LRRC4C: variants seen among roughly 807,000 people sequenced by gnomAD.
LRRC4C encodes the protein leucine rich repeat containing 4C, also known as leucine-rich repeat-containing protein 4C.
LRRC4C carries 5 observed loss-of-function variants against 33.6 expected under a neutral mutation model. The ratio of observed to expected loss-of-function variants is 0.15; its 90% CI spans 0.08 to 0.31. LRRC4C has a LOEUF of 0.31. LRRC4C is among the 10% of genes least tolerant of loss of function. The probability of loss-of-function intolerance (pLI) is 1.00; values close to 1 mark genes in which losing one functional copy is unlikely to be tolerated. For missense variants in LRRC4C, 560 were observed against 796.7 expected, an observed-to-expected ratio of 0.70 and a Z score of 3.58; for synonymous variants, 329 against 302.0, an observed-to-expected ratio of 1.09 and a Z score of -0.93.
At chr11:40,962,743 C>A (rs957978829) in intron 1 of LRRC4C, among the ~76,000 whole-genome samples, 2 of 151,588 alleles carry the variant, frequency 1.3e-5, no homozygotes, top group African/African-American at 4.8e-5. Context: ...TCTCATCTAT[C>A]CCAAAAAAGA....
Position 40,775,984 on chromosome 11 carries a change from G to T in LRRC4C, c.-406-127706C>A, listed in dbSNP as rs559039306. The stretch of plus-strand genomic sequence containing the variant: ...TTATTGTGGATTTTTAACAATGAAG[G>T]GATTTTGGATTTTATCAAAAGGATT... On this transcript the variant is annotated intron_variant, in intron 2 of 6. Coordinates refer to ENST00000528697, the MANE Select transcript of LRRC4C (RefSeq NM_001258419.2). Among the ~76,000 whole-genome samples, 34 of 146,380 alleles carry T rather than the reference G, an allele frequency of 2.3e-4. 1 individual carries two copies. Among genetic ancestry groups the T allele is most frequent in the South Asian group, 4.2e-4 (2 of 4,806 alleles).
intron 3 of LRRC4C, among the ~76,000 whole-genome samples, chr11:40,629,553 T>G (rs7115302): frequency 0.038 from 5,723 of 152,254 alleles, 347 homozygotes; most frequent in African/African-American, 0.13. Context: ...AACATGTGCT[T>G]CAGAAAATGC....
At chr11:40,479,061 G>A (rs1953403296) in intron 3 of LRRC4C, among the ~76,000 whole-genome samples, 1 of 152,050 alleles carries the variant, frequency 6.6e-6, no homozygotes, top group African/African-American at 2.4e-5. Context: ...TTATTAGTGA[G>A]AGAATGGGGC....
intron 2 of LRRC4C, among the ~76,000 whole-genome samples, chr11:40,810,959 T>C (rs1182013975): frequency 1.3e-5 from 2 of 152,176 alleles, no homozygotes. Flanking sequence ...TCACTTAGAA[T>C]AAAATTCAAA....
intron 1 of LRRC4C, among the ~76,000 whole-genome samples, chr11:41,256,543 C>T (rs1948806765): frequency 6.6e-6 from 1 of 151,800 alleles, no homozygotes; most frequent in Non-Finnish European, 1.5e-5. Flanking sequence ...TACAGCAAAC[C>T]CAGAGATTAA....
chr11:41,007,143 CAA>C (rs1279177357), intron 1 of LRRC4C, among the ~76,000 whole-genome samples: 2 of 151,474 alleles, frequency 1.3e-5, no homozygotes, highest in African/African-American at 4.9e-5. Context: ...CCAAAAAATG[CAA>C]AAGTTCAAAA....
chr11:41,158,661 C>A (rs975202839), intron 1 of LRRC4C, among the ~76,000 whole-genome samples: 1 of 152,080 alleles, frequency 6.6e-6, no homozygotes, highest in Non-Finnish European at 1.5e-5. Context: ...ATCACTCATG[C>A]CTTTCTCCTA....
intron 1 of LRRC4C, among the ~76,000 whole-genome samples, chr11:41,160,087 T>A (rs562191386): frequency 6.6e-6 from 1 of 152,056 alleles, no homozygotes; most frequent in East Asian, 1.9e-4. Flanking sequence ...AGTGGTTACA[T>A]CCAGGTAGAG....
At chr11:40,170,387 T>G (rs1859945325) in intron 5 of LRRC4C, among the ~76,000 whole-genome samples, 1 of 152,192 alleles carries the variant, frequency 6.6e-6, no homozygotes, top group Admixed American at 6.5e-5. Flanking sequence ...TGAAAACATC[T>G]GCAGTGCCTA....
At chr11:41,315,567 C>T (rs1337221654) in intron 1 of LRRC4C, among the ~76,000 whole-genome samples, 4 of 152,168 alleles carry the variant, frequency 2.6e-5, no homozygotes, top group African/African-American at 9.7e-5. Flanking sequence ...AGTGAGTTCT[C>T]CAACCCCAGT....
At chr11:40,399,880 T>C (rs115622711) in intron 3 of LRRC4C, among the ~76,000 whole-genome samples, 2,201 of 152,102 alleles carry the variant, frequency 0.014, 46 homozygotes, top group African/African-American at 0.05. Context: ...AAGAAAACGC[T>C]CCGAAGACAT....
chr11:40,242,735 C>A (rs1257990294), intron 4 of LRRC4C, among the ~76,000 whole-genome samples: 2 of 151,390 alleles, frequency 1.3e-5, no homozygotes. Context: ...ATTGCAAACA[C>A]AATGTGGTCA....
chr11:40,721,228 T>G (rs1946996586), intron 2 of LRRC4C, among the ~76,000 whole-genome samples: 2 of 152,302 alleles, frequency 1.3e-5, no homozygotes, highest in South Asian at 4.1e-4. Flanking sequence ...AATTAGATCA[T>G]GAGGGTAGAA....
intron 3 of LRRC4C, among the ~76,000 whole-genome samples, chr11:40,449,560 A>C (rs927492826): frequency 2.4e-4 from 37 of 152,188 alleles, no homozygotes; most frequent in African/African-American, 8.9e-4. Context: ...AAAGTTAAGG[A>C]AATTGTCCAA....
chr11:40,930,337 A>C lies in LRRC4C; in HGVS notation c.-407+3298T>G, dbSNP rs76172084. 5.8e-3 allele frequency among the ~76,000 whole-genome samples: 880 copies of C among 152,342 alleles called. 14 individuals are homozygous for C. Among genetic ancestry groups the C allele is most frequent in the African/African-American group, 0.02 (844 of 41,584 alleles). On this transcript the variant is annotated intron_variant, in intron 2 of 6. Transcript: ENST00000528697. ...CCGCTGCTAGGACTTCCTAATGGCC[A>C]AAGTGGGGACTGGAGCCTATTGCTC...
intron 2 of LRRC4C, among the ~76,000 whole-genome samples, chr11:40,887,078 A>C (rs990537166): frequency 1.3e-5 from 2 of 151,654 alleles, no homozygotes; most frequent in African/African-American, 4.8e-5. Flanking sequence ...TTTACTTAGA[A>C]TACTAGCAAT....
intron 1 of LRRC4C, among the ~76,000 whole-genome samples, chr11:40,985,336 T>C (rs1852921413): frequency 6.6e-6 from 1 of 151,176 alleles, no homozygotes; most frequent in Non-Finnish European, 1.5e-5. Context: ...TATCTTCCTT[T>C]TTGTTTTTGT....
intron 4 of LRRC4C, among the ~76,000 whole-genome samples, chr11:40,290,500 A>G (rs1944122248): frequency 6.6e-6 from 1 of 152,188 alleles, no homozygotes. Flanking sequence ...AATGAAAAGG[A>G]TAAGAATAGA....
chr11:41,026,015 A>G (rs1486191943), intron 1 of LRRC4C, among the ~76,000 whole-genome samples: 2 of 151,770 alleles, frequency 1.3e-5, no homozygotes, highest in Admixed American at 1.3e-4. Context: ...GGAGATATAC[A>G]AAGAGATTAA....
Sources: gnomAD v4.1 joint callset for allele counts (sites outside exome capture counted in the v4.1 genomes callset) on GRCh38, gnomAD v4.1.1 for gene constraint, MANE v1.5 for transcripts, NCBI Gene and HGNC (gene_info 2026-07-23, HGNC 2026-07-21) for gene names.